Variants in CNTNAP5 observed in about 807,000 individuals in gnomAD.
The protein encoded by CNTNAP5 is contactin-associated protein-like 5.
CNTNAP5 carries 72 observed loss-of-function variants against 150.2 expected under a neutral mutation model. The observed-to-expected ratio is 0.48, with a 90% CI of 0.40 to 0.58. The LOEUF is 0.58. CNTNAP5 is among the 20% of genes least tolerant of loss of function. The pLI, the probability that CNTNAP5 is intolerant of heterozygous loss-of-function variation, is 0.00. For synonymous variants in CNTNAP5, 672 were observed against 619.8 expected (o/e 1.08, Z -1.25); for missense variants, 1,636 against 1,626.2 (o/e 1.01, Z -0.10).
chr2:124,327,859 T>C (rs1039818486), intron 3 of CNTNAP5, among the ~76,000 whole-genome samples: 1 of 152,184 alleles, frequency 6.6e-6, no homozygotes, highest in Admixed American at 6.5e-5. Flanking sequence ...CTTCAGGAAC[T>C]CTTCAGACTG....
At chr2:124,829,641 C>T (rs1360082560) in intron 19 of CNTNAP5, among the ~76,000 whole-genome samples, 4 of 151,626 alleles carry the variant, frequency 2.6e-5, no homozygotes, top group Non-Finnish European at 5.9e-5. Flanking sequence ...TTGGAACATG[C>T]ATTTGCATAT....
chr2:124,510,280 T>TATATATATATCTATATATCTATATATAG, intron 8 of CNTNAP5, among the ~76,000 whole-genome samples: 2 of 9,336 alleles, frequency 2.1e-4, no homozygotes, highest in African/African-American at 4.4e-4. Flanking sequence ...TATCTATATC[T>TATATATATATCTATATATCTATATATAG]ATATCTATAT....
chr2:124,270,539 C>T (rs182134273), intron 3 of CNTNAP5, among the ~76,000 whole-genome samples: 15 of 152,142 alleles, frequency 9.9e-5, no homozygotes, highest in Admixed American at 2.6e-4. Flanking sequence ...TGTTTGGAGA[C>T]GGGCCAGGGT....
intron 2 of CNTNAP5, among the ~76,000 whole-genome samples, chr2:124,234,378 A>T (rs1686696485): frequency 6.6e-6 from 1 of 152,216 alleles, no homozygotes; most frequent in Admixed American, 6.5e-5. Flanking sequence ...TAAGTGTGCT[A>T]TGCAAGGTAT....
chr2:124,068,046 C>G (rs574941172), intron 1 of CNTNAP5, among the ~76,000 whole-genome samples: 1 of 152,216 alleles, frequency 6.6e-6, no homozygotes, highest in East Asian at 1.9e-4. Flanking sequence ...GAAAGCTCTA[C>G]CAATTGTCCT....
chr2:124,638,530 T>C (rs11676952), intron 12 of CNTNAP5, among the ~76,000 whole-genome samples: 58,174 of 152,044 alleles, frequency 0.38, 12,973 homozygotes, highest in Non-Finnish European at 0.51. Flanking sequence ...TTCTGATTAA[T>C]ATTCAACTTT....
intron 1 of CNTNAP5, among the ~76,000 whole-genome samples, chr2:124,031,298 G>A (rs765491500): frequency 8.5e-5 from 13 of 152,168 alleles, no homozygotes; most frequent in African/African-American, 2.2e-4. Context: ...TATTCAATGC[G>A]TAAAACATTG....
intron 11 of CNTNAP5, among the ~76,000 whole-genome samples, chr2:124,590,735 G>T (rs1002791512): frequency 6.6e-6 from 1 of 152,058 alleles, no homozygotes; most frequent in African/African-American, 2.4e-5. Flanking sequence ...GGAAGAAACA[G>T]GACTGATACA....
At chr2:124,909,021 A>T (rs1232928437) in intron 22 of CNTNAP5, among the ~76,000 whole-genome samples, 1 of 152,156 alleles carries the variant, frequency 6.6e-6, no homozygotes, top group Non-Finnish European at 1.5e-5. Context: ...ATAGTAAGCT[A>T]AGGATAATTT....
intron 1 of CNTNAP5, among the ~76,000 whole-genome samples, chr2:124,096,398 T>C (rs1573750465): frequency 6.6e-6 from 1 of 152,190 alleles, no homozygotes; most frequent in South Asian, 2.1e-4. Flanking sequence ...ATCACTCTCA[T>C]GCAAAAATTT....
intron 7 of CNTNAP5, among the ~76,000 whole-genome samples, chr2:124,488,247 C>T (rs528056965): frequency 6.6e-6 from 1 of 152,096 alleles, no homozygotes; most frequent in Admixed American, 6.6e-5. Context: ...TGTGTAATTC[C>T]TTTTCTTGTT....
chr2:124,386,797 G>A (rs1690938877), intron 3 of CNTNAP5, among the ~76,000 whole-genome samples: 1 of 150,888 alleles, frequency 6.6e-6, no homozygotes, highest in Non-Finnish European at 1.5e-5. Flanking sequence ...CCACTCCTCT[G>A]CAATGGAGTG....
chr2:124,430,603 G>A (rs1227802242), intron 4 of CNTNAP5, among the ~76,000 whole-genome samples: 1 of 152,162 alleles, frequency 6.6e-6, no homozygotes, highest in Non-Finnish European at 1.5e-5. Flanking sequence ...CAGGGCAAAG[G>A]AAGTTCAATG....
intron 6 of CNTNAP5, among the ~76,000 whole-genome samples, chr2:124,468,354 C>T (rs1325281050): frequency 6.6e-6 from 1 of 152,084 alleles, no homozygotes; most frequent in Admixed American, 6.6e-5. Flanking sequence ...GCCCAAGAGT[C>T]CCTGGCAAAC....
intron 1 of CNTNAP5, among the ~76,000 whole-genome samples, chr2:124,071,904 C>T (rs1322344622): frequency 6.6e-6 from 1 of 151,866 alleles, no homozygotes; most frequent in African/African-American, 2.4e-5. Context: ...TACCCTGATA[C>T]CAAACCCAGA....
At chr2:124,667,636 A>G (rs1013990795) in intron 13 of CNTNAP5, among the ~76,000 whole-genome samples, 5 of 152,228 alleles carry the variant, frequency 3.3e-5, no homozygotes, top group African/African-American at 9.6e-5. Flanking sequence ...ATTGAGTCCA[A>G]TTAAGAGGAT....
Position 124,903,015 on chromosome 2 carries a change from T to G in CNTNAP5, c.3570T>G (p.Thr1190=). 1 of 1,611,428 alleles carries G rather than the reference T, an allele frequency of 6.2e-7. No homozygotes were observed. The highest frequency in any genetic ancestry group is 8.5e-7 in the Non-Finnish European group (1 of 1,178,780). Residue 1190 remains threonine, a synonymous_variant, in exon 22 of 24, where the codon ACT becomes ACG. Transcript: ENST00000682447. The stretch of plus-strand genomic sequence containing the variant: ...GCCATGCCACTGTCGCGCCTGTGAC[T>G]GTCCATGGGACCTTGACGGAATCCA... ...ALRHATVAPV[T]VHGTLTESSC...
chr2:124,744,947 TTCTC>T (rs1680574106), intron 13 of CNTNAP5, among the ~76,000 whole-genome samples: 1 of 152,212 alleles, frequency 6.6e-6, no homozygotes, highest in Admixed American at 6.5e-5. Context: ...TAATTTTTTG[TTCTC>T]TCTCTTTTTC....
At chr2:124,869,421 A>T (rs1042891591) in intron 20 of CNTNAP5, among the ~76,000 whole-genome samples, 6 of 152,194 alleles carry the variant, frequency 3.9e-5, no homozygotes, top group Non-Finnish European at 7.3e-5. Flanking sequence ...ATAAATACCT[A>T]TAAAACGCTG....
Sources: gnomAD v4.1 joint callset for allele counts (sites outside exome capture counted in the v4.1 genomes callset) on GRCh38, gnomAD v4.1.1 for gene constraint, MANE v1.5 for transcripts, NCBI Gene and HGNC (gene_info 2026-07-23, HGNC 2026-07-21) for gene names.